The following MAP7 variants were observed in gnomAD, a reference collection of about 807,000 sequenced individuals.
MAP7 encodes ensconsin.
In MAP7, 52 loss-of-function variants were observed where a neutral mutation model predicts 94.8. The ratio of observed to expected loss-of-function variants is 0.55; its 90% CI spans 0.44 to 0.69. MAP7 has a LOEUF of 0.69. MAP7 is among the 30% of genes least tolerant of loss of function. The probability of loss-of-function intolerance (pLI) is 0.00; values close to 1 mark genes in which losing one functional copy is unlikely to be tolerated. For synonymous variants in MAP7, 350 were observed against 357.0 expected (o/e 0.98, Z 0.22); for missense variants, 940 against 964.6 (o/e 0.97, Z 0.34).
chr6:136,399,346 T>C (rs1053432719), intron 3 of MAP7, among the ~76,000 whole-genome samples: 3 of 152,294 alleles, frequency 2.0e-5, no homozygotes, highest in African/African-American at 7.2e-5. Flanking sequence ...AGATTCCTTT[T>C]CTTTTTCTTT....
Position 136,404,623 on chromosome 6 carries a change from C to T in MAP7, c.244+6997G>A, listed in dbSNP as rs192038258. Among the ~76,000 whole-genome samples, 20 of 152,080 alleles carry T rather than the reference C, an allele frequency of 1.3e-4. No individual in the cohort carries two copies. The East Asian group carries it at 3.7e-3, about 28-fold the overall frequency. On this transcript the variant is annotated intron_variant, in intron 3 of 17. Coordinates refer to ENST00000354570, the MANE Select transcript of MAP7 (RefSeq NM_003980.6). ...TTCTCTTTCATGATTTTATAGAATCCCCGAAAGTACCAATTAGGAATTTGA... is the reference window on the plus strand; with the variant it reads ...TTCTCTTTCATGATTTTATAGAATCTCCGAAAGTACCAATTAGGAATTTGA...
At chr6:136,379,992 A>ATTG (rs905476646) in intron 6 of MAP7, among the ~76,000 whole-genome samples, 11 of 152,138 alleles carry the variant, frequency 7.2e-5, no homozygotes, top group African/African-American at 2.4e-4. Flanking sequence ...GAATTGGTGC[A>ATTG]TTGTTGTTGT....
At chr6:136,490,727 A>AT (rs2128988424) in intron 1 of MAP7, among the ~76,000 whole-genome samples, 1 of 152,330 alleles carries the variant, frequency 6.6e-6, no homozygotes, top group South Asian at 2.1e-4. Flanking sequence ...GTGGAAAAAC[A>AT]TATGTGCCTG....
intron 1 of MAP7, among the ~76,000 whole-genome samples, chr6:136,512,840 T>C (rs1823668794): frequency 2.0e-5 from 3 of 147,900 alleles, no homozygotes; most frequent in Admixed American, 1.5e-4. Flanking sequence ...TCTTCCCTTT[T>C]TTTTTTTTTT....
At chr6:136,440,071 C>A (rs1383041787) in intron 1 of MAP7, among the ~76,000 whole-genome samples, 1 of 152,166 alleles carries the variant, frequency 6.6e-6, no homozygotes, top group Non-Finnish European at 1.5e-5. Flanking sequence ...GGCCAAAGCA[C>A]CATAGCTGTG....
intron 1 of MAP7, among the ~76,000 whole-genome samples, chr6:136,542,873 AC>A: frequency 6.6e-6 from 1 of 152,214 alleles, no homozygotes; most frequent in Non-Finnish European, 1.5e-5. Context: ...TTAAAAAGGC[AC>A]TATTTTACTT....
chr6:136,534,214 G>T (rs890475251), intron 1 of MAP7, among the ~76,000 whole-genome samples: 1 of 152,146 alleles, frequency 6.6e-6, no homozygotes, highest in Admixed American at 6.5e-5. Flanking sequence ...TTATTTTAAG[G>T]AATAATGGCT....
chr6:136,459,245 C>A (rs371854131), intron 1 of MAP7, among the ~76,000 whole-genome samples: 66 of 151,990 alleles, frequency 4.3e-4, no homozygotes, highest in African/African-American at 1.5e-3. Context: ...ACAACAACAA[C>A]AAAAAAAGAT....
intron 1 of MAP7, chr6:136,525,717 TCA>T: frequency 8.8e-7 from 1 of 1,140,250 alleles, no homozygotes; most frequent in Non-Finnish European, 1.2e-6. Flanking sequence ...TGCTAGGAGG[TCA>T]CAAGCACTCC....
intron 1 of MAP7, among the ~76,000 whole-genome samples, chr6:136,503,312 C>A (rs537054411): frequency 9.0e-5 from 13 of 144,226 alleles, no homozygotes; most frequent in South Asian, 4.3e-4. Flanking sequence ...GGAAGTGAAG[C>A]AAGAAGAAGA....
chr6:136,433,055 C>T (rs1177330532), intron 1 of MAP7, among the ~76,000 whole-genome samples: 1 of 151,886 alleles, frequency 6.6e-6, no homozygotes, highest in Non-Finnish European at 1.5e-5. Context: ...AAAGAAATGT[C>T]TATTACATGG....
rs201712239 is a variant in MAP7, at chr6:136,377,794, C to T, written c.712G>A (p.Ala238Thr). 61 of 1,614,050 alleles carry T rather than the reference C, an allele frequency of 3.8e-5. No individual in the cohort carries two copies. The highest frequency in any genetic ancestry group is 3.7e-4 in the South Asian group (34 of 91,074). Residue 238 changes from alanine (A) to threonine (T), a missense_variant, in exon 7 of 18, where the codon GCC becomes ACC. Coordinates refer to ENST00000354570, the MANE Select transcript of MAP7 (RefSeq NM_003980.6). ...AAGGCAGCTGTGCTTTTACTTCTGGCCAGGAACGAATGTGTGGGCGTCAGG... is the reference window on the plus strand; with the variant it reads ...AAGGCAGCTGTGCTTTTACTTCTGGTCAGGAACGAATGTGTGGGCGTCAGG... ...RLLTPTHSFL[A>T]RSKSTAALSG... is the part of the protein sequence containing the mutation.
intron 2 of MAP7, among the ~76,000 whole-genome samples, chr6:136,416,709 G>C (rs1357343974): frequency 6.6e-6 from 1 of 152,086 alleles, no homozygotes; most frequent in Non-Finnish European, 1.5e-5. Context: ...GGGAGGCTGA[G>C]GCAGGAGAAT....
chr6:136,535,118 G>C (rs943500667), intron 1 of MAP7, among the ~76,000 whole-genome samples: 1 of 152,178 alleles, frequency 6.6e-6, no homozygotes, highest in Non-Finnish European at 1.5e-5. Flanking sequence ...GGTGGGGCCT[G>C]GTGGGAGGTG....
At position 136,356,747 on chromosome 6, in the gene MAP7, G is replaced by A. The variant is rs1562304789; in HGVS notation, c.1960C>T (p.Pro654Ser). The part of the protein sequence containing the change: ...CTTNAPGNGK[P>S]VGSPHVVTSH... ...GTAACCACATGTGGGCTGCCAACTG[G>A]CTTTCCATTTCCCGGAGCGTTTGTT... The change falls in exon 16 of 18, where the codon CCA (proline) becomes TCA (serine). Residue 654 changes from proline (P) to serine (S), a missense_variant. Coordinates refer to ENST00000354570, the MANE Select transcript of MAP7 (RefSeq NM_003980.6). 6.2e-7 allele frequency: 1 copy of A among 1,614,140 alleles called. No homozygotes were observed. The highest frequency in any genetic ancestry group is 8.5e-7 in the Non-Finnish European group (1 of 1,180,022).
intron 1 of MAP7, among the ~76,000 whole-genome samples, chr6:136,428,325 G>A (rs1793847339): frequency 1.3e-5 from 2 of 152,106 alleles, no homozygotes; most frequent in African/African-American, 4.8e-5. Flanking sequence ...AGATCAGCCT[G>A]GTCAACATGG....
rs3839506 is a variant in MAP7, at chr6:136,355,562, C to CATTACATTATAAA, written c.2015+1117_2015+1129dup. Among the ~76,000 whole-genome samples, 7 of 152,008 alleles carry CATTACATTATAAA rather than the reference C, an allele frequency of 4.6e-5. No individual in the cohort carries two copies. The South Asian group carries it at 6.2e-4, about 14-fold the overall frequency. ...CTGCCCATTACATTATAAAATGTTA[C>CATTACATTATAAA]ATTACATTATAAAATTACATTATAA... On this transcript the variant is annotated intron_variant, in intron 16 of 17. Transcript: ENST00000354570.
intron 3 of MAP7, among the ~76,000 whole-genome samples, chr6:136,394,968 A>ATATATATATATATCTATC (rs1477760854): frequency 7.7e-6 from 1 of 130,596 alleles, no homozygotes; most frequent in African/African-American, 2.9e-5. Flanking sequence ...ATATATATAT[A>ATATATATATATATCTATC]TATCACATTT....
chr6:136,388,353 A>T, intron 5 of MAP7, 40 bp downstream of exon 5: 1 of 1,450,174 alleles, frequency 6.9e-7, no homozygotes, highest in Non-Finnish European at 9.6e-7. Flanking sequence ...TGTTACTTTC[A>T]GGAAAATAAA....
Sources: allele counts gnomAD v4.1 joint callset (sites outside exome capture counted in the v4.1 genomes callset), GRCh38; gene constraint gnomAD v4.1.1; transcripts MANE v1.5; gene names NCBI Gene and HGNC (gene_info 2026-07-23, HGNC 2026-07-21).